Variants in ABCF3 observed in about 807,000 individuals in gnomAD.
The protein encoded by ABCF3 is ATP binding cassette subfamily F member 3.
Under a neutral mutation model 94.3 loss-of-function variants are expected in ABCF3, and 62 were observed. The ratio of observed to expected loss-of-function variants is 0.66; its 90% confidence interval spans 0.54 to 0.81. The LOEUF (loss-of-function observed/expected upper bound fraction) is 0.81. Ranked by LOEUF, ABCF3 falls within the 40% of genes least tolerant of loss-of-function variation. The pLI is 0.00. For missense variants in ABCF3, 843 were observed against 925.3 expected (o/e 0.91, Z 1.15); for synonymous variants, 355 against 361.1 (o/e 0.98, Z 0.19).
Position 184,188,289 on chromosome 3 carries a change from G to A in ABCF3, c.718G>A (p.Glu240Lys). The A allele has an allele frequency of 6.2e-7, 1 of 1,614,154 alleles. No homozygotes were observed. Among genetic ancestry groups the A allele is most frequent in the Non-Finnish European group, 8.5e-7 (1 of 1,180,038 alleles). ...AGCCCACATTTCCCTGCTGCACGTT[G>A]AGCAAGAGGTTGCTGGAGATGACAC... Reference protein sequence around the residue: ...VPAHISLLHVEQEVAGDDTPA... With the variant: ...VPAHISLLHVKQEVAGDDTPA... The change falls in exon 7 of 21, where the codon GAG becomes AAG. Residue 240 changes from glutamate (E) to lysine (K), a missense_variant. Glu to Lys is a moderately conservative substitution (Grantham distance 56, BLOSUM62 1). Transcript: ENST00000429586.
At chr3:184,187,370 G>A (rs771161255) in intron 3 of ABCF3, 27 bp from the exon 4 acceptor site, 5 of 1,613,806 alleles carry the variant, frequency 3.1e-6, no homozygotes, top group Admixed American at 1.7e-5. Flanking sequence ...TCAGGGAGAA[G>A]GTGACTGCTT....
At chr3:184,192,942 G>A (rs774291906) in intron 18 of ABCF3, 46 bp downstream of exon 18, 3 of 1,605,564 alleles carry the variant, frequency 1.9e-6, no homozygotes, top group Non-Finnish European at 2.6e-6. Context: ...GTAGGGAAGA[G>A]GGCTGAGGCT....
At chr3:184,190,851 C>T in intron 14 of ABCF3, 148 bp from the exon 15 acceptor site, 1 of 913,888 alleles carries the variant, frequency 1.1e-6, no homozygotes, top group Non-Finnish European at 1.6e-6. Flanking sequence ...TTTTAGCATA[C>T]AGTAAATGAG....
chr3:184,189,747 A>G lies in ABCF3; in HGVS notation c.1304A>G (p.Gln435Arg), dbSNP rs1417065045. ...REYEAQQQYR[Q>R]HIQVFIDRFR... ...TATGAGGCGCAGCAGCAGTATCGCC[A>G]GCACATCCAGGTGTGGGGCCTGGCA... Residue 435 changes from glutamine to arginine, a missense_variant, in exon 13 of 21, where the codon CAG (glutamine) becomes CGG (arginine). Coordinates refer to ENST00000429586, the MANE Select transcript of ABCF3 (RefSeq NM_018358.3). The G allele has an allele frequency of 1.3e-5, 21 of 1,613,870 alleles. No homozygotes were observed. Among genetic ancestry groups the G allele is most frequent in the Admixed American group, 1.7e-5 (1 of 60,010 alleles).
Position 184,186,861 on chromosome 3 carries a change from T to C in ABCF3, c.287T>C (p.Ile96Thr). ...LLDAPIQLSKITENYDCGTKL... is the reference protein window; with the variant it reads ...LLDAPIQLSKTTENYDCGTKL... The stretch of plus-strand genomic sequence containing the variant: ...GACGCCCCTATCCAGTTGTCAAAGA[T>C]AACGGAGAACTACGGTGAGAGTGAG... Residue 96 changes from isoleucine to threonine, a missense_variant, in exon 3 of 21, where the codon ATA (isoleucine) becomes ACA (threonine). By Grantham distance (89) the Ile-to-Thr change is moderately conservative. Transcript: ENST00000429586. 1 of 1,613,690 alleles carries C rather than the reference T, an allele frequency of 6.2e-7. No individual in the cohort carries two copies. Among genetic ancestry groups the C allele is most frequent in the Non-Finnish European group, 8.5e-7 (1 of 1,179,842 alleles).
intron 7 of ABCF3, 174 bp downstream of exon 7, chr3:184,188,581 G>C: frequency 1.9e-6 from 2 of 1,061,640 alleles, no homozygotes; most frequent in South Asian, 1.6e-5. Context: ...GCCCTTTCTT[G>C]TTCTTTCCAC....
At chr3:184,186,998 G>T in intron 3 of ABCF3, 123 bp downstream of exon 3, 1 of 1,051,782 alleles carries the variant, frequency 9.5e-7, no homozygotes, top group Non-Finnish European at 1.4e-6. Context: ...GGAGCTAGTT[G>T]ATGTCTTTAC....
Position 184,186,501 on chromosome 3 carries a change from GC to G in ABCF3, c.74-3del, listed in dbSNP as rs1560131577. On this transcript the variant is annotated splice_region_variant and splice_polypyrimidine_tract_variant and intron_variant, in intron 1 of 20. Transcript: ENST00000429586. The stretch of plus-strand genomic sequence containing the variant: ...TACCTTCCTCGTTCTACCACGCCCT[GC>G]CCAGGCGTCTTGCACAGCGGCAGCG... 5.6e-6 allele frequency: 9 copies of G among 1,607,786 alleles called. No individual in the cohort carries two copies. The South Asian group carries it at 1.0e-4, about 18-fold the overall frequency.
intron 14 of ABCF3, 68 bp from the exon 15 acceptor site, chr3:184,190,931 A>G (rs2109044306): frequency 6.4e-7 from 1 of 1,571,398 alleles, no homozygotes. Flanking sequence ...TTCTCTGAAC[A>G]TATATTACTC....
At chr3:184,187,528 TCTGA>T in intron 4 of ABCF3, 85 bp downstream of exon 4, 2 of 1,544,366 alleles carry the variant, frequency 1.3e-6, no homozygotes, top group Non-Finnish European at 1.8e-6. Context: ...TGGGGGGATT[TCTGA>T]CTATGTCTTT....
At position 184,188,793 on chromosome 3, in the gene ABCF3, A is replaced by T. The variant is rs779450195; in HGVS notation, c.869A>T (p.Glu290Val). Reference sequence around the variant, plus strand: ...GGCTCTGAAGCTGCAGAGCTGGCAGAAATCTATGCCAAACTGGAGGAGATT... The same window carrying T: ...GGCTCTGAAGCTGCAGAGCTGGCAGTAATCTATGCCAAACTGGAGGAGATT... ...AEGSEAAELA[E>V]IYAKLEEIEA... The change falls in exon 8 of 21, where the codon GAA becomes GTA. Residue 290 changes from glutamate to valine, a missense_variant. Transcript: ENST00000429586. The T allele has an allele frequency of 9.3e-6, 15 of 1,613,860 alleles. No individual in the cohort carries two copies. The highest frequency in any genetic ancestry group is 1.6e-4 in the Middle Eastern group (1 of 6,084).
rs1166445956 is a variant in ABCF3, at chr3:184,192,631, A to G, written c.1600A>G (p.Met534Val). 1 of 1,611,202 alleles carries G rather than the reference A, an allele frequency of 6.2e-7. No homozygotes were observed. The highest frequency in any genetic ancestry group is 1.1e-5 in the South Asian group (1 of 90,734). Residue 534 changes from methionine (M) to valine (V), a missense_variant, in exon 17 of 21, where the codon ATG (methionine) becomes GTG (valine). By Grantham distance (21) the Met-to-Val change is conservative. Transcript: ENST00000429586. ...VGENGAGKST[M>V]LKLLLGDLAP... is the part of the protein sequence containing the mutation. ...AGAGAATGGGGCTGGGAAGTCTACC[A>G]TGCTGAAGCTGCTTTTGGGGGACCT... is the stretch of plus-strand genomic sequence containing the variant.
Position 184,188,994 on chromosome 3 carries a change from T to A in ABCF3, c.977+6T>A, listed in dbSNP as rs770718491. ...ATGCAGCAGCAGCCCACCCGGTGAG[T>A]GACCCTTGCCATTCTTGGCTTTGAA... On this transcript the variant is annotated splice_donor_region_variant and intron_variant, in intron 9 of 20. Transcript: ENST00000429586. The A allele has an allele frequency of 6.2e-7, 1 of 1,614,238 alleles. No homozygotes were observed. The highest frequency in any genetic ancestry group is 8.5e-7 in the Non-Finnish European group (1 of 1,180,040).
At chr3:184,192,449 C>A in intron 16 of ABCF3, 152 bp from the exon 17 acceptor site, 1 of 740,258 alleles carries the variant, frequency 1.4e-6, no homozygotes, top group Non-Finnish European at 2.1e-6. Context: ...CTCAATTCCC[C>A]TCCTCCCCCC....
In ABCF3 at chr3:184,193,621, G is replaced by A. The variant is rs746466778; in HGVS notation, c.2053G>A (p.Val685Ile). ...RELWVCEGGG[V>I]TRVEGGFDQY... is the part of the protein sequence containing the mutation. ...GTTGTGGGTATGCGAAGGAGGCGGCGTCACCCGTGTGGAAGGAGGATTTGA... is the reference window on the plus strand; with the variant it reads ...GTTGTGGGTATGCGAAGGAGGCGGCATCACCCGTGTGGAAGGAGGATTTGA... The change falls in exon 21 of 21, where the codon GTC becomes ATC. Residue 685 changes from valine to isoleucine, a missense_variant. Val to Ile is a conservative substitution (Grantham distance 29). Coordinates refer to ENST00000429586, the MANE Select transcript of ABCF3 (RefSeq NM_018358.3). This position sits in a 1 kb window ranked among gnomAD's most constrained non-coding sequence, Gnocchi z 5.2. 48 of 1,614,002 alleles carry A rather than the reference G, an allele frequency of 3.0e-5. No individual in the cohort carries two copies. The highest frequency in any genetic ancestry group is 1.5e-4 in the Admixed American group (9 of 60,004).
In ABCF3 at chr3:184,188,982, C is replaced by T. The variant is rs1327419802; in HGVS notation, c.971C>T (p.Pro324Leu). The change falls in exon 9 of 21, where the codon CCC becomes CTC. Residue 324 changes from proline to leucine, a missense_variant. By Grantham distance (98) the Pro-to-Leu change is moderately conservative. Transcript: ENST00000429586. Reference protein sequence around the residue: ...LGFTPKMQQQPTREFSGGWRM... With the variant: ...LGFTPKMQQQLTREFSGGWRM... ...TTTACCCCTAAAATGCAGCAGCAGC[C>T]CACCCGGTGAGTGACCCTTGCCATT... The T allele has an allele frequency of 2.5e-5, 41 of 1,614,082 alleles. No individual in the cohort carries two copies. Among genetic ancestry groups the T allele is most frequent in the Non-Finnish European group, 3.5e-5 (41 of 1,180,048 alleles).
In ABCF3 at chr3:184,193,342, A is replaced by G; in HGVS notation, c.1884-23A>G. On this transcript the variant is annotated intron_variant, in intron 19 of 20. Coordinates refer to ENST00000429586, the MANE Select transcript of ABCF3 (RefSeq NM_018358.3). The surrounding 1 kb of genome is among the most constrained non-coding windows in gnomAD (Gnocchi z 5.2). ...CTCTCACCGCACCCCTTCACTGCCC[A>G]CCTTCCTGGTTCTGCCTTCCAGCCC... 1 of 1,613,878 alleles carries G rather than the reference A, an allele frequency of 6.2e-7. No homozygotes were observed. Among genetic ancestry groups the G allele is most frequent in the Non-Finnish European group, 8.5e-7 (1 of 1,179,952 alleles).
chr3:184,190,768 G>A, intron 14 of ABCF3: 1 of 523,740 alleles, frequency 1.9e-6, no homozygotes, highest in South Asian at 2.2e-5. Context: ...ATAAAGCTTA[G>A]ATGTTTGCGA....
In ABCF3 at chr3:184,193,725, G is replaced by A. The variant is rs770603396; in HGVS notation, c.*27G>A. On this transcript the variant is annotated 3_prime_UTR_variant, in exon 21 of 21. Coordinates refer to ENST00000429586, the MANE Select transcript of ABCF3 (RefSeq NM_018358.3). The surrounding 1 kb of genome is among the most constrained non-coding windows in gnomAD (Gnocchi z 5.2). ...GCCACCAGGCTGAGGACTCGCCCAG[G>A]ACATGGACTGGTCTCTCAGACCCCT... The A allele has an allele frequency of 6.4e-7, 1 of 1,563,250 alleles. No individual in the cohort carries two copies. The highest frequency in any genetic ancestry group is 8.7e-7 in the Non-Finnish European group (1 of 1,152,988).
Sources: gnomAD v4.1 joint callset for allele counts on GRCh38, gnomAD v4.1.1 for gene constraint, Gnocchi (gnomAD v3.1) non-coding constraint, MANE v1.5 for transcripts, NCBI Gene and HGNC (gene_info 2026-07-23, HGNC 2026-07-21) for gene names.